TMPRSS15: variants seen among roughly 807,000 people sequenced by gnomAD.
TMPRSS15 encodes enteropeptidase.
A neutral mutation model predicts 125.3 loss-of-function variants in TMPRSS15; 128 were observed. The ratio of observed to expected loss-of-function variants is 1.02; its 90% CI spans 0.89 to 1.18. The LOEUF (loss-of-function observed/expected upper bound fraction) is 1.18. TMPRSS15 is among the 50% of genes most tolerant of loss of function. The probability of loss-of-function intolerance (pLI) is 0.00; values close to 1 mark genes in which losing one functional copy is unlikely to be tolerated. For missense variants in TMPRSS15, 1,283 were observed against 1,212.7 expected, an observed-to-expected ratio of 1.06 and a Z score of -0.86; for synonymous variants, 446 against 423.2, an observed-to-expected ratio of 1.05 and a Z score of -0.66.
intron 12 of TMPRSS15, among the ~76,000 whole-genome samples, chr21:18,342,538 T>A (rs886743067): frequency 6.6e-6 from 1 of 152,212 alleles, no homozygotes; most frequent in African/African-American, 2.4e-5. Context: ...GATCCAATTA[T>A]ATTACTTTAG....
At chr21:18,469,859 CTATAT>C (rs575697943) in intron 1 of TMPRSS15, among the ~76,000 whole-genome samples, 2 of 151,972 alleles carry the variant, frequency 1.3e-5, no homozygotes, top group Admixed American at 1.3e-4. Context: ...AGTTTTGTAC[CTATAT>C]TAAAGTTAAA....
At chr21:18,289,149 C>T (rs555662226) in intron 21 of TMPRSS15, among the ~76,000 whole-genome samples, 164 of 152,140 alleles carry the variant, frequency 1.1e-3, no homozygotes, top group African/African-American at 3.8e-3. Context: ...ATTATAAATG[C>T]TTAACTGTTT....
intron 3 of TMPRSS15, among the ~76,000 whole-genome samples, chr21:18,390,216 T>G (rs1004914752): frequency 2.0e-5 from 3 of 152,186 alleles, no homozygotes; most frequent in African/African-American, 7.2e-5. Flanking sequence ...CTTCACACAG[T>G]AACATGCCTG....
At chr21:18,434,157 GT>G (rs1173375807) in intron 1 of TMPRSS15, among the ~76,000 whole-genome samples, 2 of 151,962 alleles carry the variant, frequency 1.3e-5, no homozygotes, top group African/African-American at 2.4e-5. Context: ...TAGCATATAC[GT>G]GTTCGTACAT....
intron 16 of TMPRSS15, among the ~76,000 whole-genome samples, chr21:18,324,099 T>C (rs1210678566): frequency 6.6e-6 from 1 of 152,176 alleles, no homozygotes; most frequent in Admixed American, 6.5e-5. Flanking sequence ...ATTTTTTTTT[T>C]ATTGAACACA....
rs138418885 is a variant in TMPRSS15, at chr21:18,343,067, A to G, written c.1428+439T>C. On this transcript the variant is annotated intron_variant, in intron 12 of 24. Coordinates refer to ENST00000284885, the MANE Select transcript of TMPRSS15 (RefSeq NM_002772.3). ...CATATAATTTGTTTCTAAAGGAAATACATGGAGATTAAATCAGAGTGGGGC... is the reference window on the plus strand; with the variant it reads ...CATATAATTTGTTTCTAAAGGAAATGCATGGAGATTAAATCAGAGTGGGGC... Among the ~76,000 whole-genome samples the G allele has an allele frequency of 1.3e-3, 205 of 152,334 alleles. 2 individuals are homozygous for G. In the East Asian group the frequency reaches 0.035, roughly 26 times the overall value.
In TMPRSS15 at chr21:18,365,211, T is replaced by A; in HGVS notation, c.702A>T (p.Ser234=). Residue 234 remains serine (S), a synonymous_variant, in exon 7 of 25, where the codon TCA becomes TCT. Transcript: ENST00000284885. ...VCDGRFLLTG[S]SGSFQATHYP... Reference sequence around the variant, plus strand: ...AATGAGTAGCCTGGAAAGACCCAGATGATCCAGTTAACAAAAATCTTCCAT... The same window carrying A: ...AATGAGTAGCCTGGAAAGACCCAGAAGATCCAGTTAACAAAAATCTTCCAT... The A allele has an allele frequency of 1.2e-6, 2 of 1,614,152 alleles. No homozygotes were observed. The highest frequency in any genetic ancestry group is 1.7e-6 in the Non-Finnish European group (2 of 1,180,010).
At chr21:18,370,417 T>C (rs548909083) in intron 6 of TMPRSS15, among the ~76,000 whole-genome samples, 3 of 152,280 alleles carry the variant, frequency 2.0e-5, no homozygotes, top group Admixed American at 1.3e-4. Context: ...TGATCATCAT[T>C]ATATTGGCTT....
chr21:18,460,759 T>C (rs1398002236), intron 1 of TMPRSS15: 1 of 152,220 alleles, frequency 6.6e-6, no homozygotes, highest in East Asian at 1.9e-4. Context: ...ATCCACATAA[T>C]GAAGGACCCA....
chr21:18,421,377 T>C (rs1057031368), intron 1 of TMPRSS15, among the ~76,000 whole-genome samples: 2 of 152,212 alleles, frequency 1.3e-5, no homozygotes, highest in African/African-American at 4.8e-5. Flanking sequence ...TTACTGTGTA[T>C]AAAACTGTGG....
chr21:18,297,719 G>C lies in TMPRSS15; in HGVS notation c.2261+15C>G, dbSNP rs2074922357. 6.2e-7 allele frequency: 1 copy of C among 1,600,848 alleles called. No individual in the cohort carries two copies. The highest frequency in any genetic ancestry group is 8.6e-7 in the Non-Finnish European group (1 of 1,168,060). ...TCTATGTACAACTAGTCTAAGAACAGATTTAGGGACCCACCTGGGTGTTAG... is the reference window on the plus strand; with the variant it reads ...TCTATGTACAACTAGTCTAAGAACACATTTAGGGACCCACCTGGGTGTTAG... On this transcript the variant is annotated intron_variant, in intron 19 of 24. Coordinates refer to ENST00000284885, the MANE Select transcript of TMPRSS15 (RefSeq NM_002772.3).
rs1305712514 is a variant in TMPRSS15, at chr21:18,471,550, A to C, written c.10+14249T>G. On this transcript the variant is annotated intron_variant, in intron 1 of 7. Transcript: ENST00000422787. The stretch of plus-strand genomic sequence containing the variant: ...AAGTAATGTTTGCTCAAGCTGACAA[A>C]CCTGCAGTGCAGAAATAAGGATACC... 2.0e-5 allele frequency among the ~76,000 whole-genome samples: 3 copies of C among 152,064 alleles called. No individual in the cohort carries two copies. The East Asian group carries it at 5.8e-4, about 29-fold the overall frequency.
chr21:18,331,993 A>T (rs1175824472), intron 14 of TMPRSS15, 91 bp downstream of exon 14: 1 of 1,152,968 alleles, frequency 8.7e-7, no homozygotes. Context: ...CCCATGTTTG[A>T]CAAATTTATA....
intron 6 of TMPRSS15, among the ~76,000 whole-genome samples, chr21:18,365,591 C>T (rs1315531952): frequency 8.6e-6 from 1 of 116,860 alleles, no homozygotes; most frequent in Non-Finnish European, 1.7e-5. Context: ...TTTTTCCTTC[C>T]TTCCTTCCTT....
intron 19 of TMPRSS15, among the ~76,000 whole-genome samples, chr21:18,295,639 C>T (rs147726435): frequency 2.2e-4 from 33 of 152,250 alleles, no homozygotes; most frequent in African/African-American, 7.5e-4. Context: ...CATATGTATA[C>T]GTATTGAATG....
In TMPRSS15 at chr21:18,348,330, C is replaced by G. The variant is rs56275251; in HGVS notation, c.1172-4270G>C. Among the ~76,000 whole-genome samples the G allele has an allele frequency of 2.4e-3, 367 of 152,274 alleles. 1 individual carries two copies. Among genetic ancestry groups the G allele is most frequent in the African/African-American group, 8.5e-3 (354 of 41,580 alleles). Reference sequence around the variant, plus strand: ...TCTTCATGAATTGAACCTAGTCTCTCTCCACCCAACATCCTAATTAAAAAG... The same window carrying G: ...TCTTCATGAATTGAACCTAGTCTCTGTCCACCCAACATCCTAATTAAAAAG... On this transcript the variant is annotated intron_variant, in intron 10 of 24. Coordinates refer to ENST00000284885, the MANE Select transcript of TMPRSS15 (RefSeq NM_002772.3).
intron 1 of TMPRSS15, among the ~76,000 whole-genome samples, chr21:18,452,765 C>CATTTT (rs3082206): frequency 0.96 from 145,735 of 152,106 alleles, 70,137 homozygotes; most frequent in East Asian, 1. Context: ...CAATAGAAAT[C>CATTTT]ATTTATTTAA....
At chr21:18,399,320 T>C (rs982996762) in intron 1 of TMPRSS15, among the ~76,000 whole-genome samples, 3 of 152,066 alleles carry the variant, frequency 2.0e-5, no homozygotes, top group African/African-American at 4.8e-5. Flanking sequence ...ATATAATACA[T>C]TGACACCAAA....
At chr21:18,311,393 T>C (rs895796239) in intron 18 of TMPRSS15, among the ~76,000 whole-genome samples, 1 of 151,846 alleles carries the variant, frequency 6.6e-6, no homozygotes, top group African/African-American at 2.4e-5. Context: ...CGACAAGAAA[T>C]AAAAACATAT....
Sources: gnomAD v4.1 joint callset for allele counts (sites outside exome capture counted in the v4.1 genomes callset) on GRCh38, gnomAD v4.1.1 for gene constraint, MANE v1.5 for transcripts, NCBI Gene and HGNC (gene_info 2026-07-23, HGNC 2026-07-21) for gene names.